Variants in RIPK1 observed in about 807,000 individuals in gnomAD.
The protein encoded by RIPK1 is receptor interacting serine/threonine kinase 1.
In RIPK1, 27 loss-of-function variants were observed where a neutral mutation model predicts 62.4. That is an observed-to-expected ratio of 0.43 (90% CI 0.32 to 0.60). The LOEUF is 0.60. Among genes scored for constraint, RIPK1 ranks in the 20% least tolerant of loss-of-function variants. RIPK1 has a pLI of 0.07. For missense variants in RIPK1, 735 were observed against 831.0 expected, an observed-to-expected ratio of 0.88 and a Z score of 1.42; for synonymous variants, 287 against 303.2, an observed-to-expected ratio of 0.95 and a Z score of 0.55.
chr6:3,076,695 AAAACAT>A (rs1344154928), intron 1 of RIPK1, 63 bp from the exon 2 acceptor site: 307 of 22,488 alleles, frequency 0.014, 20 homozygotes, highest in African/African-American at 0.029. Flanking sequence ...GAGAAAAAAA[AAAACAT>A]ATATATATAT....
intron 7 of RIPK1, among the ~76,000 whole-genome samples, chr6:3,103,408 A>C (rs1441797976): frequency 6.7e-6 from 1 of 149,432 alleles, no homozygotes; most frequent in African/African-American, 2.5e-5. Flanking sequence ...TCAAGAGATA[A>C]CTCCTGCCTC....
intron 4 of RIPK1, 47 bp from the exon 5 acceptor site, chr6:3,083,038 C>A: frequency 6.3e-7 from 1 of 1,575,506 alleles, no homozygotes; most frequent in Non-Finnish European, 8.7e-7. Context: ...ATCTGATTTG[C>A]TTACGGCCTT....
chr6:3,114,435 G>A lies in RIPK1; in HGVS notation c.*1096G>A, dbSNP rs1761310376. On this transcript the variant is annotated 3_prime_UTR_variant, in exon 11 of 11. Transcript: ENST00000259808. The surrounding 1 kb of genome is among the most constrained non-coding windows in gnomAD (Gnocchi z 5.0). ...TTTCAAAGCCCACCTGAAACCTGGG[G>A]GTGGATGAAAGAACTAGAATAGAAG... 6.6e-6 allele frequency: 1 copy of A among 152,218 alleles called. No homozygotes were observed. Among genetic ancestry groups the A allele is most frequent in the East Asian group, 1.9e-4 (1 of 5,200 alleles). The allele number at this position is 152,218 out of a possible 1,614,324, so 9.4% of individuals were successfully genotyped here. A position where few individuals can be genotyped will look rare whatever the true frequency, so the allele number is the denominator to read the frequency against.
chr6:3,100,210 T>A, intron 7 of RIPK1, among the ~76,000 whole-genome samples: 1 of 151,934 alleles, frequency 6.6e-6, no homozygotes, highest in East Asian at 1.9e-4. Context: ...TCACTTGAGG[T>A]GAGGAGTTGG....
At position 3,089,594 on chromosome 6, in the gene RIPK1, A is replaced by C. The variant is rs1195542775; in HGVS notation, c.852A>C (p.Lys284Asn). 1 of 1,536,216 alleles carries C rather than the reference A, an allele frequency of 6.5e-7. No individual in the cohort carries two copies. The highest frequency in any genetic ancestry group is 9.0e-7 in the Non-Finnish European group (1 of 1,114,434). The change falls in exon 7 of 11, where the codon AAA becomes AAC. Residue 284 changes from lysine to asparagine, a missense_variant. Physicochemically the swap from Lys to Asn is moderately conservative, Grantham distance 94. Around this residue, in one of 2 missense-constraint regions of RIPK1, gnomAD observed 671 missense variants for 726.2 expected, o/e 0.92. Transcript: ENST00000259808. ...ARPTFPGIEE[K>N]FRPFYLSQLE... is the part of the protein sequence containing the mutation. ...TTACTTTTACAGGCATTGAAGAAAAATTTAGGCCTTTTTATTTAAGTCAAT... is the reference window on the plus strand; with the variant it reads ...TTACTTTTACAGGCATTGAAGAAAACTTTAGGCCTTTTTATTTAAGTCAAT...
upstream of RIPK1, among the ~76,000 whole-genome samples, chr6:3,066,623 C>T (rs750089648): frequency 1.3e-5 from 2 of 152,180 alleles, no homozygotes; most frequent in Non-Finnish European, 1.5e-5. Context: ...TCCCCTTCCA[C>T]AAACATCCTG....
chr6:3,083,352 A>G, intron 5 of RIPK1, 39 bp downstream of exon 5: 1 of 1,536,102 alleles, frequency 6.5e-7, no homozygotes, highest in East Asian at 2.3e-5. Flanking sequence ...TCCCCTCAGC[A>G]TCTACACGCA....
chr6:3,069,049 G>T (rs1329708447), intron 1 of RIPK1, among the ~76,000 whole-genome samples: 1 of 152,336 alleles, frequency 6.6e-6, no homozygotes, highest in East Asian at 1.9e-4. Context: ...TCCGCTGGCC[G>T]CCTCTGTGCC....
chr6:3,106,437 G>T (rs1760855057), intron 9 of RIPK1, among the ~76,000 whole-genome samples: 1 of 152,108 alleles, frequency 6.6e-6, no homozygotes, highest in Non-Finnish European at 1.5e-5. Flanking sequence ...TTTTGTTTCT[G>T]ACCTTATATA....
intron 7 of RIPK1, among the ~76,000 whole-genome samples, chr6:3,096,966 G>A (rs887199988): frequency 1.6e-4 from 24 of 152,168 alleles, no homozygotes; most frequent in Middle Eastern, 3.4e-3. Flanking sequence ...TGCCTCCCGC[G>A]TTCAAGCAAT....
rs188697351 is a variant in RIPK1, at chr6:3,101,146, C to T, written c.916-3079C>T. Among the ~76,000 whole-genome samples, 16 of 152,156 alleles carry T rather than the reference C, an allele frequency of 1.1e-4. No homozygotes were observed. The East Asian group carries it at 2.1e-3, about 20-fold the overall frequency. On this transcript the variant is annotated intron_variant, in intron 7 of 10. Transcript: ENST00000259808. The stretch of plus-strand genomic sequence containing the variant: ...CACAAAAATTAGCCAAGCGTGGTGG[C>T]GCATGCCTGTTGTCCCAGCTACACA...
chr6:3,110,985 A>G (rs1471956314), intron 10 of RIPK1, 30 bp downstream of exon 10: 3 of 1,534,822 alleles, frequency 2.0e-6, no homozygotes, highest in Admixed American at 1.9e-5. Context: ...CTCAACGCCT[A>G]GCAACCTTGA....
At chr6:3,064,824 G>A (rs1758304352), upstream of RIPK1, among the ~76,000 whole-genome samples, 1 of 152,238 alleles carries the variant, frequency 6.6e-6, no homozygotes, top group Non-Finnish European at 1.5e-5. Context: ...CAGAGGTGGA[G>A]GCTGTGACCT....
In RIPK1 at chr6:3,103,304, AT is replaced by A. The variant is rs111791190; in HGVS notation, c.916-911del. Among the ~76,000 whole-genome samples the A allele has an allele frequency of 5.5e-3, 778 of 140,998 alleles. 7 individuals carry two copies. The highest frequency in any genetic ancestry group is 0.02 in the African/African-American group (753 of 37,780). 92.5% of individuals were successfully genotyped at this position (140,998 alleles called of 152,430 possible). On this transcript the variant is annotated intron_variant, in intron 7 of 10. Transcript: ENST00000259808. ...CCCCATTATTTTATTTTATTTATTT[AT>A]TTTTTTTTTGGAGACAGAATCTTGC...
At chr6:3,109,581 T>C (rs1160935142) in intron 9 of RIPK1, among the ~76,000 whole-genome samples, 2 of 152,230 alleles carry the variant, frequency 1.3e-5, no homozygotes, top group African/African-American at 2.4e-5. Context: ...TGAGCTTTGC[T>C]GTGTTGTTCA....
At chr6:3,081,811 G>A (rs1469818538) in intron 4 of RIPK1, among the ~76,000 whole-genome samples, 1 of 141,912 alleles carries the variant, frequency 7.0e-6, no homozygotes, top group Admixed American at 7.2e-5. Flanking sequence ...GGTGAGCCGA[G>A]ATTGTGCCAT....
In RIPK1 at chr6:3,105,964, A is replaced by G. The variant is rs1284471053; in HGVS notation, c.1489A>G (p.Met497Val). 6.2e-7 allele frequency: 1 copy of G among 1,614,126 alleles called. No homozygotes were observed. The highest frequency in any genetic ancestry group is 1.7e-5 in the Admixed American group (1 of 60,018). The change falls in exon 9 of 11, where the codon ATG becomes GTG. Residue 497 changes from methionine (M) to valine (V), a missense_variant. Around this residue, in one of 2 missense-constraint regions of RIPK1, gnomAD observed 671 missense variants for 726.2 expected, o/e 0.92. Coordinates refer to ENST00000259808, the MANE Select transcript of RIPK1 (RefSeq NM_001354930.2). This position sits in a 1 kb window ranked among gnomAD's most constrained non-coding sequence, Gnocchi z 4.5. ...RVWYRPIPSH[M>V]PSLHNIPVPE... ...TTGGTACAGGCCAATTCCAAGTCAT[A>G]TGCCTAGTCTGCATAATATCCCAGT...
At chr6:3,112,111 T>C (rs1254050831) in intron 10 of RIPK1, among the ~76,000 whole-genome samples, 2 of 152,092 alleles carry the variant, frequency 1.3e-5, no homozygotes, top group East Asian at 3.9e-4. Context: ...AGGTTATGGC[T>C]ATTGGAGAAG....
chr6:3,073,747 G>A (rs1269508951), intron 1 of RIPK1, among the ~76,000 whole-genome samples: 1 of 152,150 alleles, frequency 6.6e-6, no homozygotes, highest in Non-Finnish European at 1.5e-5. Context: ...CCTGTAGCCG[G>A]CCACTGTGCA....
Sources: allele counts gnomAD v4.1 joint callset (sites outside exome capture counted in the v4.1 genomes callset), GRCh38; gene constraint gnomAD v4.1.1; regional missense constraint gnomAD v4.1.1; non-coding constraint Gnocchi (gnomAD v3.1); transcripts MANE v1.5; gene names NCBI Gene and HGNC (gene_info 2026-07-23, HGNC 2026-07-21).